Variants in PLTP observed in about 807,000 individuals in gnomAD.
PLTP encodes the protein BPI fold containing family E.
A neutral mutation model predicts 54.1 loss-of-function variants in PLTP; 43 were observed. The ratio of observed to expected loss-of-function variants is 0.79; its 90% confidence interval spans 0.62 to 1.02. The LOEUF is 1.02. PLTP is among the 50% of genes least tolerant of loss of function. The pLI is 0.00. For missense variants in PLTP, 604 were observed against 645.9 expected, an observed-to-expected ratio of 0.94 and a Z score of 0.70; for synonymous variants, 263 against 264.6, an observed-to-expected ratio of 0.99 and a Z score of 0.06.
In PLTP at chr20:45,902,441, A is replaced by G. The variant is rs753165599; in HGVS notation, c.1106T>C (p.Met369Thr). ...QPEVQLSSMT[M>T]DARLSAKMAL... ...CAGCCCCCACTCTGGGACCCGTACC[A>G]TAGTCATGCTGGACAGCTGGACCTC... The change falls in exon 11 of 16, where the codon ATG (methionine) becomes ACG (threonine). Residue 369 changes from methionine (M) to threonine (T), a missense_variant and splice_region_variant. By Grantham distance (81) the Met-to-Thr change is moderately conservative (BLOSUM62 -1). Transcript: ENST00000372431. The G allele has an allele frequency of 3.7e-6, 6 of 1,614,200 alleles. No homozygotes were observed. The highest frequency in any genetic ancestry group is 5.1e-6 in the Non-Finnish European group (6 of 1,180,006).
chr20:45,907,497 G>A (rs1030884144), intron 7 of PLTP, among the ~76,000 whole-genome samples, 195 bp downstream of exon 7: 8 of 152,196 alleles, frequency 5.3e-5, no homozygotes, highest in African/African-American at 1.7e-4. Context: ...ACCCCAGGAG[G>A]AGGCACTGCC....
chr20:45,904,682 G>A (rs2083221301), intron 10 of PLTP, 118 bp downstream of exon 10: 4 of 914,466 alleles, frequency 4.4e-6, no homozygotes, highest in African/African-American at 1.6e-5. Flanking sequence ...AGGGGGATTG[G>A]CCACAGACAA....
chr20:45,910,687 G>C (rs1228761028), intron 3 of PLTP, among the ~76,000 whole-genome samples: 2 of 151,058 alleles, frequency 1.3e-5, no homozygotes, highest in Non-Finnish European at 2.9e-5. Context: ...GCTACACCCG[G>C]TCTTTTAATA....
intron 11 of PLTP, 25 bp downstream of exon 11, chr20:45,902,415 G>T (rs2083195428): frequency 6.2e-7 from 1 of 1,614,014 alleles, no homozygotes; most frequent in Non-Finnish European, 8.5e-7. Context: ...CCCCCAGCCA[G>T]CAGCCCCCAC....
In PLTP at chr20:45,907,963, C is replaced by A. The variant is rs563715851; in HGVS notation, c.486-59G>T. ...ACCTGCCTCCACCCCAGTCCAGGTCCAGGAGAAATCAGTGACTAGGGAAAT... is the reference window on the plus strand; with the variant it reads ...ACCTGCCTCCACCCCAGTCCAGGTCAAGGAGAAATCAGTGACTAGGGAAAT... On this transcript the variant is annotated intron_variant, in intron 5 of 15. Coordinates refer to ENST00000372431, the MANE Select transcript of PLTP (RefSeq NM_006227.4). 6.4e-6 allele frequency: 9 copies of A among 1,409,442 alleles called. No individual in the cohort carries two copies. The Admixed American group carries it at 1.6e-4, about 25-fold the overall frequency. The allele number at this position is 1,409,442 out of a possible 1,614,324, so 87.3% of individuals were successfully genotyped here. A position where few individuals can be genotyped will look rare whatever the true frequency, so the allele number is the denominator to read the frequency against.
Position 45,898,763 on chromosome 20 carries a change from G to C in PLTP, c.*178C>G. On this transcript the variant is annotated 3_prime_UTR_variant, in exon 16 of 16. Coordinates refer to ENST00000372431, the MANE Select transcript of PLTP (RefSeq NM_006227.4). The surrounding 1 kb of genome is among the most constrained non-coding windows in gnomAD (Gnocchi z 4.6). Reference sequence around the variant, plus strand: ...AGCTCAGGACAGCCCACAGGGAGGTGGTGGACGGACTGTAATTGATAGATT... The same window carrying C: ...AGCTCAGGACAGCCCACAGGGAGGTCGTGGACGGACTGTAATTGATAGATT... 1.3e-6 allele frequency: 1 copy of C among 765,012 alleles called. No individual in the cohort carries two copies. Among genetic ancestry groups the C allele is most frequent in the Non-Finnish European group, 2.1e-6 (1 of 478,402 alleles). The allele number at this position is 765,012 out of a possible 1,614,324, so 47.4% of individuals were successfully genotyped here.
chr20:45,902,183 T>C, intron 12 of PLTP, 84 bp downstream of exon 12: 2 of 1,390,696 alleles, frequency 1.4e-6, no homozygotes, highest in Non-Finnish European at 2.0e-6. Flanking sequence ...CTTACAGGTA[T>C]CACTGTACTT....
Position 45,907,747 on chromosome 20 carries a change from A to C in PLTP, c.558T>G (p.Pro186=), listed in dbSNP as rs537539822. Residue 186 remains proline (P), a synonymous_variant, in exon 7 of 16, where the codon CCT becomes CCG. Transcript: ENST00000372431. The stretch of plus-strand genomic sequence containing the variant: ...GGACCGTCCCTGCGTGGTAGAGGAC[A>C]GGGCAGATCTGCGAGGTGGGAGCCA... The part of the protein sequence containing the change: ...MRFLLNQQIC[P]VLYHAGTVLL... The C allele has an allele frequency of 1.9e-6, 3 of 1,613,798 alleles. No homozygotes were observed. In the African/African-American group the frequency reaches 4.0e-5, roughly 22 times the overall value.
At position 45,899,697 on chromosome 20, in the gene PLTP, G is replaced by C. The variant is rs377024064; in HGVS notation, c.1219-12C>G. 1.8e-5 allele frequency: 29 copies of C among 1,614,036 alleles called. No homozygotes were observed. The highest frequency in any genetic ancestry group is 2.4e-5 in the Non-Finnish European group (28 of 1,180,018). On this transcript the variant is annotated splice_polypyrimidine_tract_variant and intron_variant, in intron 13 of 15. Transcript: ENST00000372431. ...TGTAATGGGATCAGCTGGGAGGGGC[G>C]AGGGCGGAAACAGGGCAGTGAGTCA...
intron 5 of PLTP, among the ~76,000 whole-genome samples, chr20:45,908,759 G>A (rs148258411): frequency 0.013 from 1,929 of 151,768 alleles, 33 homozygotes; most frequent in African/African-American, 0.044. Flanking sequence ...CCGAGATGGC[G>A]CCACTGCACT....
Position 45,904,142 on chromosome 20 carries a change from A to G in PLTP, c.942+658T>C, listed in dbSNP as rs1279242740. On this transcript the variant is annotated intron_variant, in intron 10 of 15. Coordinates refer to ENST00000372431, the MANE Select transcript of PLTP (RefSeq NM_006227.4). ...ACCCTGCCCTGCCATAAATTGGATGATGATAATGACTGAATTATTTCTTTT... is the reference window on the plus strand; with the variant it reads ...ACCCTGCCCTGCCATAAATTGGATGGTGATAATGACTGAATTATTTCTTTT... Among the ~76,000 whole-genome samples the G allele has an allele frequency of 2.0e-5, 3 of 152,216 alleles. No homozygotes were observed. In the East Asian group the frequency reaches 5.8e-4, roughly 29 times the overall value.
intron 10 of PLTP, among the ~76,000 whole-genome samples, chr20:45,904,410 C>T (rs945389029): frequency 4.6e-5 from 7 of 152,058 alleles, no homozygotes; most frequent in Non-Finnish European, 8.8e-5. Flanking sequence ...TTGCAGTGAG[C>T]CTAGATTGTG....
At chr20:45,903,688 T>C (rs549214681) in intron 10 of PLTP, among the ~76,000 whole-genome samples, 1 of 152,316 alleles carries the variant, frequency 6.6e-6, no homozygotes, top group African/African-American at 2.4e-5. Flanking sequence ...ATATTATTAC[T>C]GCCAATTTTG....
intron 12 of PLTP, 97 bp from the exon 13 acceptor site, chr20:45,899,975 C>T (rs932482107): frequency 1.3e-5 from 13 of 1,022,964 alleles, no homozygotes; most frequent in Non-Finnish European, 2.0e-5. Context: ...GAGTTGCAGG[C>T]TCAGATGCCC....
At chr20:45,907,588 G>T in intron 7 of PLTP, 104 bp downstream of exon 7, 1 of 1,069,990 alleles carries the variant, frequency 9.3e-7, no homozygotes, top group Non-Finnish European at 1.4e-6. Context: ...AGCTCCAGGG[G>T]CCACATTTGA....
chr20:45,906,924 GTTCC>G (rs1467253284), intron 7 of PLTP, among the ~76,000 whole-genome samples: 5 of 123,672 alleles, frequency 4.0e-5, no homozygotes, highest in African/African-American at 1.3e-4. Flanking sequence ...ATGGCATGAG[GTTCC>G]TTTCCCTTGG....
chr20:45,905,459 C>A (rs2083230691), intron 8 of PLTP, among the ~76,000 whole-genome samples: 1 of 152,232 alleles, frequency 6.6e-6, no homozygotes, highest in Non-Finnish European at 1.5e-5. Context: ...AAGCTCTTCA[C>A]ATAGATCGAC....
At position 45,906,919 on chromosome 20, in the gene PLTP, A is replaced by G. The variant is rs1355829153; in HGVS notation, c.614-560T>C. 2.5e-5 allele frequency among the ~76,000 whole-genome samples: 3 copies of G among 119,294 alleles called. 1 individual carries two copies. The highest frequency in any genetic ancestry group is 6.0e-5 in the Non-Finnish European group (3 of 49,936). 78.3% of individuals were successfully genotyped at this position (119,294 alleles called of 152,430 possible). On this transcript the variant is annotated intron_variant, in intron 7 of 15. Coordinates refer to ENST00000372431, the MANE Select transcript of PLTP (RefSeq NM_006227.4). ...AAAAAAAAAAAAAAAAAAAGATGGC[A>G]TGAGGTTCCTTTCCCTTGGTTTCTC...
At chr20:45,910,678 C>T (rs2083281806) in intron 3 of PLTP, among the ~76,000 whole-genome samples, 1 of 151,642 alleles carries the variant, frequency 6.6e-6, no homozygotes, top group African/African-American at 2.4e-5. Flanking sequence ...CCTGGGGTTG[C>T]TACACCCGGT....
Sources: gnomAD v4.1 joint callset for allele counts (sites outside exome capture counted in the v4.1 genomes callset) on GRCh38, gnomAD v4.1.1 for gene constraint, Gnocchi (gnomAD v3.1) non-coding constraint, MANE v1.5 for transcripts, NCBI Gene and HGNC (gene_info 2026-07-23, HGNC 2026-07-21) for gene names.